The following ATIC variants were observed in gnomAD, a reference collection of about 807,000 sequenced individuals.
The protein encoded by ATIC is 5-aminoimidazole-4-carboxamide ribonucleotide formyltransferase/IMP cyclohydrolase.
A neutral mutation model predicts 72.5 loss-of-function variants in ATIC; 64 were observed. The observed-to-expected ratio is 0.88, with a 90% CI of 0.72 to 1.09. The LOEUF (loss-of-function observed/expected upper bound fraction) is 1.09, where lower values mean the gene tolerates loss of function less well. ATIC is among the 50% of genes least tolerant of loss of function. The pLI, the probability that ATIC is intolerant of heterozygous loss-of-function variation, is 0.00. For synonymous variants in ATIC, 281 were observed against 267.1 expected (o/e 1.05, Z -0.51); for missense variants, 787 against 732.4 (o/e 1.07, Z -0.86).
intron 4 of ATIC, among the ~76,000 whole-genome samples, chr2:215,323,547 A>G (rs1355546156): frequency 6.6e-6 from 1 of 152,162 alleles, no homozygotes; most frequent in Non-Finnish European, 1.5e-5. Flanking sequence ...ATTTTTATAT[A>G]TTGATCATAT....
chr2:215,322,223 A>T (rs1355721850), intron 4 of ATIC, among the ~76,000 whole-genome samples: 9 of 151,220 alleles, frequency 6.0e-5, no homozygotes, highest in Non-Finnish European at 2.9e-5. Flanking sequence ...TTTAATTTTG[A>T]TGATGTTGAA....
the ATIC span, chr2:215,364,909 A>G: frequency 1.9e-6 from 3 of 1,568,998 alleles, no homozygotes; most frequent in Non-Finnish European, 2.6e-6. Context: ...TGCAGGAGCA[A>G]ATGGCACCGA....
chr2:215,316,567 C>A (rs1297093026), intron 2 of ATIC, among the ~76,000 whole-genome samples: 2 of 152,020 alleles, frequency 1.3e-5, no homozygotes, highest in Admixed American at 6.6e-5. Flanking sequence ...ATAGTGAGAT[C>A]CCATCTCAAA....
intron 7 of ATIC, among the ~76,000 whole-genome samples, chr2:215,330,459 G>A (rs940116509): frequency 6.6e-6 from 1 of 152,116 alleles, no homozygotes; most frequent in Non-Finnish European, 1.5e-5. Flanking sequence ...TTAACATCAT[G>A]CATTAGTGTG....
At chr2:215,327,044 A>T in intron 7 of ATIC, 66 bp downstream of exon 7, 1 of 1,603,426 alleles carries the variant, frequency 6.2e-7, no homozygotes, top group East Asian at 2.2e-5. Context: ...TCTGTATTGC[A>T]TCTGATGTGG....
At chr2:215,325,001 T>G (rs148774369) in intron 4 of ATIC, among the ~76,000 whole-genome samples, 2,118 of 152,022 alleles carry the variant, frequency 0.014, 33 homozygotes, top group African/African-American at 0.047. Context: ...GTGGAGGGAG[T>G]ACTGTGTATT....
downstream of ATIC, among the ~76,000 whole-genome samples, chr2:215,352,483 G>A (rs1024607457): frequency 2.0e-5 from 3 of 152,042 alleles, no homozygotes; most frequent in Non-Finnish European, 4.4e-5. Flanking sequence ...TTGGGAGGCT[G>A]AGGCAGGAGA....
chr2:215,341,345 T>C (rs2053016756), intron 12 of ATIC, among the ~76,000 whole-genome samples: 1 of 152,214 alleles, frequency 6.6e-6, no homozygotes, highest in Non-Finnish European at 1.5e-5. Context: ...GCCTAGCTAC[T>C]GAGAGTCTTT....
At position 215,312,506 on chromosome 2, in the gene ATIC, A is replaced by T. The variant is rs1559264058; in HGVS notation, c.28A>T (p.Ser10Cys). The change falls in exon 2 of 16, where the codon AGT becomes TGT. Residue 10 changes from serine to cysteine, a missense_variant. Transcript: ENST00000236959. ...AATGTCTTCTCTTTCAGCCTTATTT[A>T]GTGTCTCTGACAAAACCGGCCTTGT... is the stretch of plus-strand genomic sequence containing the variant. The part of the protein sequence containing the change: MAPGQLALF[S>C]VSDKTGLVEF... The T allele has an allele frequency of 2.5e-6, 4 of 1,614,156 alleles. No homozygotes were observed. Among genetic ancestry groups the T allele is most frequent in the Non-Finnish European group, 3.4e-6 (4 of 1,180,022 alleles).
chr2:215,326,286 C>G (rs1344387452), intron 6 of ATIC, 148 bp downstream of exon 6: 2 of 1,070,972 alleles, frequency 1.9e-6, no homozygotes, highest in East Asian at 5.1e-5. Context: ...GAGAAACCAG[C>G]TATTACAGAG....
intron 14 of ATIC, chr2:215,347,375 T>C: frequency 2.7e-6 from 1 of 370,500 alleles, no homozygotes; most frequent in Non-Finnish European, 5.3e-6. Context: ...CCACCACATT[T>C]TCTACATGTG....
At chr2:215,325,124 A>G (rs2052808608) in intron 4 of ATIC, 117 bp from the exon 5 acceptor site, 4 of 781,230 alleles carry the variant, frequency 5.1e-6, no homozygotes, top group Non-Finnish European at 2.3e-6. Context: ...CAGTTTATAT[A>G]TTAGTTCTCT....
chr2:215,353,994 C>T (rs6706415), downstream of ATIC, among the ~76,000 whole-genome samples: 42,743 of 151,934 alleles, frequency 0.28, 6,432 homozygotes, highest in African/African-American at 0.31. Flanking sequence ...TATTTAAAAT[C>T]TGATGTCAAT....
At chr2:215,316,586 A>G (rs572774880) in intron 2 of ATIC, among the ~76,000 whole-genome samples, 1 of 152,274 alleles carries the variant, frequency 6.6e-6, no homozygotes, top group Non-Finnish European at 1.5e-5. Context: ...AAAACTATAT[A>G]TGTTGATTGT....
chr2:215,315,082 C>T (rs1303234004), intron 2 of ATIC, among the ~76,000 whole-genome samples: 2 of 152,084 alleles, frequency 1.3e-5, no homozygotes, highest in African/African-American at 4.8e-5. Context: ...GCCAGGAAAG[C>T]CTGTCTGTCC....
At chr2:215,332,706 A>G (rs1190454606) in intron 8 of ATIC, among the ~76,000 whole-genome samples, 199 bp downstream of exon 8, 1 of 152,210 alleles carries the variant, frequency 6.6e-6, no homozygotes. Flanking sequence ...TGTCAGGAAA[A>G]TGAGGCAGGA....
chr2:215,356,103 A>G, the ATIC span, among the ~76,000 whole-genome samples: 2 of 152,256 alleles, frequency 1.3e-5, no homozygotes, highest in African/African-American at 2.4e-5. Flanking sequence ...GTAGAATGAG[A>G]TGAGAACAAT....
rs184428347 is a variant in ATIC at position 215,328,791 on chromosome 2, C to T, written c.688+1813C>T. Among the ~76,000 whole-genome samples the T allele has an allele frequency of 8.2e-4, 124 of 150,482 alleles. 2 individuals carry two copies. In the East Asian group the frequency reaches 0.022, roughly 26 times the overall value. On this transcript the variant is annotated intron_variant, in intron 7 of 15. Transcript: ENST00000236959. ...GGAGTGCAGTGGTGCGATCTTGGCT[C>T]GCTGCAAACTCCACCTCCCGGGTTG...
intron 5 of ATIC, 127 bp downstream of exon 5, chr2:215,325,456 G>T: frequency 1.4e-6 from 1 of 716,576 alleles, no homozygotes. Context: ...TGTGTTTTGG[G>T]ATTACTATAA....
Sources: allele counts gnomAD v4.1 joint callset (sites outside exome capture counted in the v4.1 genomes callset), GRCh38; gene constraint gnomAD v4.1.1; transcripts MANE v1.5; gene names NCBI Gene and HGNC (gene_info 2026-07-23, HGNC 2026-07-21).